The following PAFAH1B3 variants were observed in gnomAD, a reference collection of about 807,000 sequenced individuals.
PAFAH1B3 encodes the protein platelet activating factor acetylhydrolase 1b catalytic subunit 3.
Under a neutral mutation model 24.4 loss-of-function variants are expected in PAFAH1B3, and 15 were observed. The ratio of observed to expected loss-of-function variants is 0.62; its 90% confidence interval spans 0.41 to 0.95. The LOEUF (loss-of-function observed/expected upper bound fraction) is 0.95. Ranked by LOEUF, PAFAH1B3 falls within the 40% of genes least tolerant of loss-of-function variation. The pLI is 0.00. For synonymous variants in PAFAH1B3, 144 were observed against 126.5 expected (o/e 1.14, Z -0.93); for missense variants, 266 against 312.2 (o/e 0.85, Z 1.12).
chr19:42,297,575 C>CTTT (rs887634639), intron 4 of PAFAH1B3, among the ~76,000 whole-genome samples: 1 of 137,584 alleles, frequency 7.3e-6, no homozygotes, highest in Non-Finnish European at 1.6e-5. Flanking sequence ...CTTTCGTTTT[C>CTTT]TTTTTTTTTT....
chr19:42,299,741 TTC>T (rs1313751583), intron 4 of PAFAH1B3, among the ~76,000 whole-genome samples: 1 of 152,150 alleles, frequency 6.6e-6, no homozygotes, highest in Non-Finnish European at 1.5e-5. Context: ...TTTTTAGTTT[TTC>T]AATACCCCCA....
chr19:42,301,377 A>G (rs1395259809), intron 2 of PAFAH1B3, among the ~76,000 whole-genome samples: 1 of 152,130 alleles, frequency 6.6e-6, no homozygotes, highest in Non-Finnish European at 1.5e-5. Flanking sequence ...AGCCTGGGTG[A>G]CAGAGCAAGA....
rs2038544366 is a variant in PAFAH1B3 at position 42,297,380 on chromosome 19, G to A, written c.409-15C>T. The A allele has an allele frequency of 2.5e-6, 4 of 1,597,902 alleles. No individual in the cohort carries two copies. Among genetic ancestry groups the A allele is most frequent in the East Asian group, 2.3e-5 (1 of 44,444 alleles). The stretch of plus-strand genomic sequence containing the variant: ...GGAAGCAGGCCCTGAGCAGGAACAC[G>A]AGGCGTAGTAAGGAAACAAGCATTT... On this transcript the variant is annotated splice_polypyrimidine_tract_variant and intron_variant, in intron 4 of 4. Coordinates refer to ENST00000262890, the MANE Select transcript of PAFAH1B3 (RefSeq NM_002573.4).
chr19:42,301,229 CTACAAAAAT>C (rs1329830934), intron 2 of PAFAH1B3, among the ~76,000 whole-genome samples: 2 of 152,118 alleles, frequency 1.3e-5, no homozygotes, highest in Non-Finnish European at 2.9e-5. Context: ...AACCCCATCT[CTACAAAAAT>C]TACAAAAATT....
intron 1 of PAFAH1B3, 34 bp from the exon 2 acceptor site, chr19:42,302,073 G>A (rs773206780): frequency 4.8e-4 from 747 of 1,541,846 alleles, no homozygotes; most frequent in Non-Finnish European, 6.2e-4. Context: ...TCAATGGCAT[G>A]CACGCTCCAG....
At chr19:42,298,452 C>T (rs1023150962) in intron 4 of PAFAH1B3, among the ~76,000 whole-genome samples, 1 of 152,188 alleles carries the variant, frequency 6.6e-6, no homozygotes, top group African/African-American at 2.4e-5. Flanking sequence ...GATTGCGTCA[C>T]TGCACTCTGG....
chr19:42,298,507 A>G (rs1235382069), intron 4 of PAFAH1B3, among the ~76,000 whole-genome samples: 3 of 152,134 alleles, frequency 2.0e-5, no homozygotes, highest in Non-Finnish European at 2.9e-5. Flanking sequence ...ATAAATAAAT[A>G]AAAGATATCA....
intron 4 of PAFAH1B3, among the ~76,000 whole-genome samples, chr19:42,298,019 A>AC (rs1395732570): frequency 6.6e-6 from 1 of 150,856 alleles, no homozygotes; most frequent in African/African-American, 2.4e-5. Flanking sequence ...ACATGGTGAA[A>AC]CCCCATCTCT....
chr19:42,300,412 C>T (rs1448430461), intron 2 of PAFAH1B3, 125 bp from the exon 3 acceptor site: 2 of 817,450 alleles, frequency 2.4e-6, no homozygotes, highest in African/African-American at 1.7e-5. Context: ...TTCATGGAAG[C>T]AGTCTTAAAA....
intron 4 of PAFAH1B3, 83 bp from the exon 5 acceptor site, chr19:42,297,448 C>T (rs2038547388): frequency 1.0e-6 from 1 of 1,003,392 alleles, no homozygotes; most frequent in Admixed American, 2.7e-5. Flanking sequence ...CACCCACCAC[C>T]ATGAAGTTTC....
At chr19:42,300,524 T>G (rs1465776084) in intron 2 of PAFAH1B3, among the ~76,000 whole-genome samples, 3 of 152,166 alleles carry the variant, frequency 2.0e-5, no homozygotes, top group African/African-American at 7.2e-5. Flanking sequence ...GAGACAGAGT[T>G]ATTTTATTTT....
At chr19:42,301,556 T>G (rs1162962204) in intron 2 of PAFAH1B3, among the ~76,000 whole-genome samples, 1 of 152,226 alleles carries the variant, frequency 6.6e-6, no homozygotes, top group Non-Finnish European at 1.5e-5. Flanking sequence ...GGACATGCTT[T>G]GTGGAAAGAT....
In PAFAH1B3 at chr19:42,297,273, A is replaced by C. The variant is rs1325940579; in HGVS notation, c.501T>G (p.Pro167=). Reference sequence around the variant, plus strand: ...GGTCGGCATCTAGGAAGTGGGCCCGAGGGTGGCCAGCCAGTGCCGCCCGTA... The same window carrying C: ...GGTCGGCATCTAGGAAGTGGGCCCGCGGGTGGCCAGCCAGTGCCGCCCGTA... ...ELVRAALAGH[P]RAHFLDADPG... Residue 167 remains proline, a synonymous_variant, in exon 5 of 5, where the codon CCT becomes CCG. Coordinates refer to ENST00000262890, the MANE Select transcript of PAFAH1B3 (RefSeq NM_002573.4). 1 of 1,614,016 alleles carries C rather than the reference A, an allele frequency of 6.2e-7. No individual in the cohort carries two copies.
rs771144495 is a variant in PAFAH1B3 at position 42,300,274 on chromosome 19, A to G, written c.182T>C (p.Leu61Pro). The change falls in exon 3 of 5, where the codon CTC (leucine) becomes CCC (proline). Residue 61 changes from leucine to proline, a missense_variant. Leu to Pro is a moderately conservative substitution (Grantham distance 98). Coordinates refer to ENST00000262890, the MANE Select transcript of PAFAH1B3 (RefSeq NM_002573.4). ...LMHQCEIWRE[L>P]FSPLHALNFG... ...GTTAAGTGCATGCAGAGGAGAGAAG[A>G]GCTCGCGCCAGATCTGTGGGCAAGA... The G allele has an allele frequency of 1.9e-6, 3 of 1,614,156 alleles. No homozygotes were observed. The highest frequency in any genetic ancestry group is 1.1e-5 in the South Asian group (1 of 91,084).
Position 42,297,036 on chromosome 19 carries a change from T to C in PAFAH1B3, c.*42A>G. 1.3e-6 allele frequency: 2 copies of C among 1,571,596 alleles called. No individual in the cohort carries two copies. The highest frequency in any genetic ancestry group is 2.0e-4 in the Middle Eastern group (1 of 4,886). On this transcript the variant is annotated 3_prime_UTR_variant, in exon 5 of 5. Transcript: ENST00000262890. Reference sequence around the variant, plus strand: ...GACCATAAAGCAGGAAACAGCACACTGAGGAAGGAGAGTTTAATGTTGTGG... The same window carrying C: ...GACCATAAAGCAGGAAACAGCACACCGAGGAAGGAGAGTTTAATGTTGTGG...
chr19:42,301,365 C>T (rs1379904521), intron 2 of PAFAH1B3, among the ~76,000 whole-genome samples: 1 of 152,152 alleles, frequency 6.6e-6, no homozygotes, highest in African/African-American at 2.4e-5. Context: ...CCACTGCACG[C>T]CAGCCTGGGT....
Position 42,300,030 on chromosome 19 carries a change from G to A in PAFAH1B3, c.348C>T (p.Gly116=). 1.2e-6 allele frequency: 2 copies of A among 1,614,186 alleles called. No individual in the cohort carries two copies. The highest frequency in any genetic ancestry group is 1.3e-5 in the African/African-American group (1 of 75,044). ...TCACCAGTTGCACAATGGCCTTGAT[G>A]CCACCAGTCACCTGCTCTGCTGTGT... is the stretch of plus-strand genomic sequence containing the variant. ...HGHTAEQVTG[G]IKAIVQLVNE... is the part of the protein sequence containing the mutation. The change falls in exon 4 of 5, where the codon GGC becomes GGT. Residue 116 remains glycine, a synonymous_variant. Coordinates refer to ENST00000262890, the MANE Select transcript of PAFAH1B3 (RefSeq NM_002573.4).
At chr19:42,297,555 G>A (rs1355221769) in intron 4 of PAFAH1B3, among the ~76,000 whole-genome samples, 190 bp from the exon 5 acceptor site, 1 of 151,166 alleles carries the variant, frequency 6.6e-6, no homozygotes, top group East Asian at 1.9e-4. Flanking sequence ...AGACTTCTGG[G>A]TTTTACCCTC....
chr19:42,302,674 C>T (rs2038657645), upstream of PAFAH1B3: 2 of 286,860 alleles, frequency 7.0e-6, no homozygotes, highest in African/African-American at 4.4e-5. Context: ...AAACCACCCA[C>T]CGGTCACGGG....
Sources: allele counts gnomAD v4.1 joint callset (sites outside exome capture counted in the v4.1 genomes callset), GRCh38; gene constraint gnomAD v4.1.1; transcripts MANE v1.5; gene names NCBI Gene and HGNC (gene_info 2026-07-23, HGNC 2026-07-21).